MAGI2: variants seen among roughly 807,000 people sequenced by gnomAD.
The protein encoded by MAGI2 is membrane-associated guanylate kinase, WW and PDZ domain-containing protein 2.
A neutral mutation model predicts 133.3 loss-of-function variants in MAGI2; 35 were observed. The ratio of observed to expected loss-of-function variants is 0.26; its 90% CI spans 0.20 to 0.35. The LOEUF (loss-of-function observed/expected upper bound fraction) is 0.35, where lower values mean the gene tolerates loss of function less well. MAGI2 is among the 10% of genes least tolerant of loss of function. MAGI2 has a pLI of 1.00. For synonymous variants in MAGI2, 729 were observed against 710.6 expected, an observed-to-expected ratio of 1.03 and a Z score of -0.41; for missense variants, 1,636 against 1,863.4, an observed-to-expected ratio of 0.88 and a Z score of 2.25.
Position 78,489,858 on chromosome 7 carries a change from C to T in MAGI2, c.966-18G>A. The T allele has an allele frequency of 6.3e-7, 1 of 1,582,430 alleles. No homozygotes were observed. Among genetic ancestry groups the T allele is most frequent in the Non-Finnish European group, 8.7e-7 (1 of 1,153,108 alleles). Reference sequence around the variant, plus strand: ...TGTTATGGCTGAAAAGAAAAGAGATCACTCTGAACAGACACATACTAAAAG... The same window carrying T: ...TGTTATGGCTGAAAAGAAAAGAGATTACTCTGAACAGACACATACTAAAAG... On this transcript the variant is annotated intron_variant, in intron 5 of 21. Coordinates refer to ENST00000354212, the MANE Select transcript of MAGI2 (RefSeq NM_012301.4).
At chr7:79,065,885 A>G (rs908945198) in intron 1 of MAGI2, among the ~76,000 whole-genome samples, 1 of 152,050 alleles carries the variant, frequency 6.6e-6, no homozygotes, top group Non-Finnish European at 1.5e-5. Flanking sequence ...GCAAAGGACA[A>G]GAACTCATCC....
At chr7:78,378,919 G>A (rs1457277374) in intron 6 of MAGI2, among the ~76,000 whole-genome samples, 3 of 151,986 alleles carry the variant, frequency 2.0e-5, no homozygotes, top group Non-Finnish European at 2.9e-5. Context: ...AAAGTACAAT[G>A]GCCAATGAGC....
At position 79,407,802 on chromosome 7, in the gene MAGI2, G is replaced by GA. The variant is rs553484113; in HGVS notation, c.301+45217dup. Reference sequence around the variant, plus strand: ...GAGCAATATATTCTGAGTTAGTTTTGAAAAAAAAAACATTTGACACAATAC... The same window carrying GA: ...GAGCAATATATTCTGAGTTAGTTTTGAAAAAAAAAAACATTTGACACAATAC... On this transcript the variant is annotated intron_variant, in intron 1 of 21. Transcript: ENST00000354212. 6.9e-3 allele frequency among the ~76,000 whole-genome samples: 1,008 copies of GA among 146,220 alleles called. 43 individuals carry two copies. The highest frequency in any genetic ancestry group is 0.057 in the Admixed American group (843 of 14,694).
chr7:78,469,926 G>A (rs1399951739), intron 6 of MAGI2, among the ~76,000 whole-genome samples: 4 of 152,038 alleles, frequency 2.6e-5, no homozygotes, highest in Non-Finnish European at 5.9e-5. Context: ...TGCCTAGCAC[G>A]GTGCTTTTAA....
chr7:79,180,843 A>G (rs779111425), intron 1 of MAGI2, among the ~76,000 whole-genome samples: 4 of 151,966 alleles, frequency 2.6e-5, no homozygotes, highest in Non-Finnish European at 4.4e-5. Context: ...GCATTGGGTA[A>G]ATATGCCAAT....
chr7:78,726,682 A>G (rs1045835613), intron 2 of MAGI2, among the ~76,000 whole-genome samples: 67 of 152,334 alleles, frequency 4.4e-4, no homozygotes, highest in African/African-American at 1.3e-3. Flanking sequence ...GTAATAATCT[A>G]GAATGCAGTT....
intron 1 of MAGI2, among the ~76,000 whole-genome samples, chr7:79,148,103 C>T (rs1219718560): frequency 6.6e-6 from 1 of 152,128 alleles, no homozygotes. Context: ...CATCGAAGCC[C>T]AGCTCCCACA....
intron 1 of MAGI2, among the ~76,000 whole-genome samples, chr7:79,447,769 G>A (rs546644815): frequency 2.7e-4 from 41 of 151,842 alleles, no homozygotes; most frequent in African/African-American, 9.9e-4. Context: ...ACTATAAAAT[G>A]CAATACAAAT....
At chr7:78,644,598 T>C (rs886587412) in intron 2 of MAGI2, among the ~76,000 whole-genome samples, 2 of 152,140 alleles carry the variant, frequency 1.3e-5, no homozygotes, top group African/African-American at 4.8e-5. Flanking sequence ...CAAATCATTT[T>C]GAACTAACTA....
intron 6 of MAGI2, among the ~76,000 whole-genome samples, chr7:78,443,839 G>A (rs1219816096): frequency 6.6e-6 from 1 of 152,090 alleles, no homozygotes; most frequent in Non-Finnish European, 1.5e-5. Flanking sequence ...TTAGACTCCT[G>A]GGCTTCAGTT....
intron 1 of MAGI2, among the ~76,000 whole-genome samples, chr7:79,243,237 T>C (rs1832562355): frequency 7.1e-6 from 1 of 140,280 alleles, no homozygotes; most frequent in Non-Finnish European, 1.6e-5. Flanking sequence ...ACATTACCAA[T>C]AGACGTATGA....
intron 16 of MAGI2, among the ~76,000 whole-genome samples, chr7:78,159,021 T>C (rs1201336242): frequency 1.3e-5 from 2 of 152,100 alleles, no homozygotes; most frequent in Non-Finnish European, 2.9e-5. Flanking sequence ...CGACCCCCTA[T>C]GATTCCATCT....
intron 3 of MAGI2, among the ~76,000 whole-genome samples, chr7:78,586,758 C>T (rs574037838): frequency 5.3e-5 from 8 of 152,192 alleles, no homozygotes; most frequent in African/African-American, 1.9e-4. Flanking sequence ...GTCCTCACAA[C>T]CACCCTTCTA....
chr7:78,630,150 T>A (rs562622615), intron 2 of MAGI2, among the ~76,000 whole-genome samples: 72 of 152,120 alleles, frequency 4.7e-4, no homozygotes, highest in African/African-American at 1.7e-3. Context: ...ATTACTTTGT[T>A]TAACCCCCAA....
At chr7:78,680,720 T>C (rs1159796746) in intron 2 of MAGI2, among the ~76,000 whole-genome samples, 1 of 152,194 alleles carries the variant, frequency 6.6e-6, no homozygotes, top group African/African-American at 2.4e-5. Flanking sequence ...TCATTCTTTG[T>C]AGAGCTGACC....
intron 7 of MAGI2, chr7:78,358,935 C>T (rs1393180390): frequency 3.9e-5 from 6 of 153,168 alleles, no homozygotes; most frequent in African/African-American, 1.4e-4. Flanking sequence ...GCCATTGCGA[C>T]CTTGGGATAT....
chr7:78,887,193 T>C (rs1796339524), intron 2 of MAGI2, among the ~76,000 whole-genome samples: 1 of 152,236 alleles, frequency 6.6e-6, no homozygotes, highest in Non-Finnish European at 1.5e-5. Context: ...CTTCTGTATC[T>C]TAACGACCAA....
chr7:78,471,553 A>G (rs1314369566), intron 6 of MAGI2, among the ~76,000 whole-genome samples: 1 of 152,170 alleles, frequency 6.6e-6, no homozygotes, highest in Non-Finnish European at 1.5e-5. Flanking sequence ...ACATACTTCT[A>G]TGTATATTTC....
At chr7:78,491,871 TTG>T (rs10598552) in intron 5 of MAGI2, among the ~76,000 whole-genome samples, 12,574 of 140,896 alleles carry the variant, frequency 0.089, 659 homozygotes, top group Non-Finnish European at 0.12. Flanking sequence ...TCCGTTCAAA[TTG>T]TGTGTGTGTG....
Sources: gnomAD v4.1 joint callset for allele counts (sites outside exome capture counted in the v4.1 genomes callset) on GRCh38, gnomAD v4.1.1 for gene constraint, MANE v1.5 for transcripts, NCBI Gene and HGNC (gene_info 2026-07-23, HGNC 2026-07-21) for gene names.